FBXL13: variants seen among roughly 807,000 people sequenced by gnomAD.
FBXL13 encodes the protein F-box and leucine-rich repeat protein 13.
In FBXL13, 67 loss-of-function variants were observed where a neutral mutation model predicts 83.6. The observed-to-expected ratio is 0.80, with a 90% CI of 0.66 to 0.98. The LOEUF is 0.98. Among genes scored for constraint, FBXL13 ranks in the 50% least tolerant of loss-of-function variants. The pLI is 0.00. For missense variants in FBXL13, 822 were observed against 866.5 expected (o/e 0.95, Z 0.64); for synonymous variants, 272 against 299.5 (o/e 0.91, Z 0.95).
At chr7:102,839,291 C>T (rs937155583) in intron 17 of FBXL13, among the ~76,000 whole-genome samples, 5 of 152,166 alleles carry the variant, frequency 3.3e-5, no homozygotes, top group South Asian at 2.1e-4. Context: ...GCTCTCCTAC[C>T]GCATTCCTCT....
chr7:103,072,657 G>A (rs1799082763), intron 1 of FBXL13, among the ~76,000 whole-genome samples: 1 of 152,178 alleles, frequency 6.6e-6, no homozygotes, highest in South Asian at 2.1e-4. Context: ...CAGAATGGCT[G>A]CACCCTGAAT....
intron 6 of FBXL13, among the ~76,000 whole-genome samples, chr7:103,001,932 T>A (rs780181213): frequency 3.1e-4 from 47 of 152,116 alleles, no homozygotes; most frequent in Admixed American, 1.0e-3. Flanking sequence ...GAGAACCAGT[T>A]CTCCCTAATA....
chr7:102,830,788 G>A (rs980114648), intron 18 of FBXL13, among the ~76,000 whole-genome samples: 4 of 152,148 alleles, frequency 2.6e-5, no homozygotes, highest in South Asian at 2.1e-4. Context: ...AAGAGAACAC[G>A]ATTGTTAATA....
At chr7:103,050,477 C>T (rs1191345546) in intron 2 of FBXL13, among the ~76,000 whole-genome samples, 1 of 152,188 alleles carries the variant, frequency 6.6e-6, no homozygotes. Flanking sequence ...CTGCTTAGCA[C>T]CCAATATCAA....
chr7:102,929,011 A>T (rs1818641954), intron 9 of FBXL13, among the ~76,000 whole-genome samples: 1 of 152,218 alleles, frequency 6.6e-6, no homozygotes, highest in Admixed American at 6.5e-5. Context: ...ATGTTAAAGT[A>T]CAAGCCACTG....
intron 11 of FBXL13, among the ~76,000 whole-genome samples, chr7:102,907,769 C>T (rs752110006): frequency 5.9e-5 from 9 of 151,964 alleles, no homozygotes; most frequent in South Asian, 2.1e-4. Flanking sequence ...TGAAGGGTGC[C>T]GCAATAAACA....
At chr7:102,879,117 G>A (rs905781743) in intron 14 of FBXL13, among the ~76,000 whole-genome samples, 2 of 152,104 alleles carry the variant, frequency 1.3e-5, no homozygotes, top group Non-Finnish European at 2.9e-5. Context: ...TTCCAATTGA[G>A]AACCACCAGA....
At chr7:102,953,008 C>CA (rs1348732715) in intron 8 of FBXL13, among the ~76,000 whole-genome samples, 5 of 151,766 alleles carry the variant, frequency 3.3e-5, no homozygotes, top group Admixed American at 2.0e-4. Context: ...AACAAACAAA[C>CA]AAAAAAACCC....
chr7:103,036,791 C>G (rs1199651870), intron 2 of FBXL13, among the ~76,000 whole-genome samples: 1 of 152,192 alleles, frequency 6.6e-6, no homozygotes, highest in Non-Finnish European at 1.5e-5. Context: ...GGGTTACAGG[C>G]ACAAGCCACA....
In FBXL13 at chr7:103,046,901, T is replaced by C. The variant is rs182821171; in HGVS notation, c.-1+8743A>G. 6 of 152,316 alleles carry C rather than the reference T, an allele frequency of 3.9e-5. No individual in the cohort carries two copies. The South Asian group carries it at 6.2e-4, about 16-fold the overall frequency. The allele number at this position is 152,316 out of a possible 1,614,324, so 9.4% of individuals were successfully genotyped here. On this transcript the variant is annotated intron_variant, in intron 2 of 19. Coordinates refer to ENST00000313221, the Ensembl canonical transcript of FBXL13. ...AACTTAAAGTTCAAGGTTCCAAAGT[T>C]TTGTTGCAGTGTGGATGGCAAGCAC...
chr7:102,891,293 C>T (rs1335245631), intron 11 of FBXL13, among the ~76,000 whole-genome samples: 1 of 152,190 alleles, frequency 6.6e-6, no homozygotes, highest in East Asian at 1.9e-4. Flanking sequence ...CCTATCCATT[C>T]ACTACGCACT....
intron 19 of FBXL13, among the ~76,000 whole-genome samples, chr7:102,816,932 A>G (rs1798098345): frequency 6.6e-6 from 1 of 152,238 alleles, no homozygotes; most frequent in Non-Finnish European, 1.5e-5. Flanking sequence ...TGCAAAGGAC[A>G]TGATTTCATT....
intron 8 of FBXL13, chr7:102,936,284 G>A (rs1483571805): frequency 6.6e-6 from 1 of 152,172 alleles, no homozygotes; most frequent in Non-Finnish European, 1.5e-5. Context: ...GGAAAATGAG[G>A]CTCAAAGAGG....
intron 1 of FBXL13, among the ~76,000 whole-genome samples, chr7:103,065,855 A>T (rs1483827513): frequency 6.6e-6 from 1 of 152,236 alleles, no homozygotes; most frequent in Non-Finnish European, 1.5e-5. Flanking sequence ...TAGTGAGCAG[A>T]CGCCCCCTGC....
chr7:103,009,809 C>T (rs1481780834), intron 6 of FBXL13, among the ~76,000 whole-genome samples: 3 of 152,224 alleles, frequency 2.0e-5, no homozygotes, highest in Non-Finnish European at 2.9e-5. Flanking sequence ...ACTTGCAGCC[C>T]GGTGGGCAAC....
intron 6 of FBXL13, among the ~76,000 whole-genome samples, chr7:102,968,810 A>G (rs1826269479): frequency 6.6e-6 from 1 of 152,212 alleles, no homozygotes; most frequent in African/African-American, 2.4e-5. Context: ...GCTGCTTTTC[A>G]TAATAAAATG....
intron 6 of FBXL13, among the ~76,000 whole-genome samples, chr7:103,002,843 T>C (rs1790544258): frequency 6.6e-6 from 1 of 152,192 alleles, no homozygotes; most frequent in Non-Finnish European, 1.5e-5. Context: ...TCTTTGACCC[T>C]GACCTTTAAG....
intron 16 of FBXL13, among the ~76,000 whole-genome samples, chr7:102,863,814 C>T (rs1807227621): frequency 6.6e-6 from 1 of 152,128 alleles, no homozygotes; most frequent in Non-Finnish European, 1.5e-5. Context: ...GTTTGTGGCA[C>T]CACCATGTTC....
chr7:102,906,174 A>C (rs543795627), intron 11 of FBXL13, among the ~76,000 whole-genome samples: 11 of 152,294 alleles, frequency 7.2e-5, no homozygotes, highest in Admixed American at 6.5e-4. Context: ...CCCATGATTC[A>C]ATTACCTCCC....
Sources: gnomAD v4.1 joint callset for allele counts (sites outside exome capture counted in the v4.1 genomes callset) on GRCh38, gnomAD v4.1.1 for gene constraint, MANE v1.5 for transcripts, NCBI Gene and HGNC (gene_info 2026-07-23, HGNC 2026-07-21) for gene names.